PTPN1: variants seen among roughly 807,000 people sequenced by gnomAD.
The protein encoded by PTPN1 is tyrosine-protein phosphatase non-receptor type 1.
In PTPN1, 12 loss-of-function variants were observed where a neutral mutation model predicts 59.9. The observed-to-expected ratio is 0.20, with a 90% CI of 0.13 to 0.32. The LOEUF (loss-of-function observed/expected upper bound fraction) is 0.32. Among genes scored for constraint, PTPN1 ranks in the 10% least tolerant of loss-of-function variants. The pLI, the probability that PTPN1 is intolerant of heterozygous loss-of-function variation, is 1.00. For synonymous variants in PTPN1, 178 were observed against 203.6 expected (o/e 0.87, Z 1.07); for missense variants, 356 against 549.2 (o/e 0.65, Z 3.52).
intron 8 of PTPN1, 107 bp downstream of exon 8, chr20:50,580,033 C>T: frequency 1.9e-6 from 2 of 1,041,912 alleles, no homozygotes; most frequent in Non-Finnish European, 2.8e-6. Flanking sequence ...TGTTGGCAAG[C>T]AGCGCTTCCG....
At chr20:50,545,995 G>A (rs2082673999) in intron 1 of PTPN1, among the ~76,000 whole-genome samples, 1 of 152,028 alleles carries the variant, frequency 6.6e-6, no homozygotes, top group African/African-American at 2.4e-5. Context: ...CCCTTATTGT[G>A]CCACTGCACT....
At chr20:50,552,180 T>C (rs1331007983) in intron 1 of PTPN1, among the ~76,000 whole-genome samples, 2 of 152,236 alleles carry the variant, frequency 1.3e-5, no homozygotes, top group Non-Finnish European at 2.9e-5. Flanking sequence ...AAACCATTAA[T>C]GTTATAGTTA....
intron 1 of PTPN1, among the ~76,000 whole-genome samples, chr20:50,527,316 T>C (rs2082581010): frequency 6.6e-6 from 1 of 152,122 alleles, no homozygotes; most frequent in African/African-American, 2.4e-5. Context: ...TCCAGGGAAG[T>C]GAGGCTCTAT....
rs922314694 is a variant in PTPN1 at position 50,581,426 on chromosome 20, C to T, written c.1250C>T (p.Thr417Met). The T allele has an allele frequency of 6.2e-6, 10 of 1,612,970 alleles. No individual in the cohort carries two copies. The highest frequency in any genetic ancestry group is 2.2e-5 in the East Asian group (1 of 44,858). ...TTCCTGGTCAACATGTGCGTGGCTA[C>T]GGTCCTCACGGCCGGCGCTTACCTC... ...KPFLVNMCVA[T>M]VLTAGAYLCY... The change falls in exon 9 of 10, where the codon ACG becomes ATG. Residue 417 changes from threonine to methionine, a missense_variant. Physicochemically the swap from Thr to Met is moderately conservative, Grantham distance 81. Around this residue, in one of 3 missense-constraint regions of PTPN1, gnomAD observed 62 missense variants for 97.2 expected, o/e 0.64. Transcript: ENST00000371621.
intron 1 of PTPN1, among the ~76,000 whole-genome samples, chr20:50,546,062 A>T (rs926370760): frequency 1.3e-5 from 2 of 152,072 alleles, no homozygotes; most frequent in East Asian, 1.9e-4. Context: ...AAGAAGAATT[A>T]AAAAAAGTGA....
At chr20:50,551,403 C>T (rs1336577738) in intron 1 of PTPN1, among the ~76,000 whole-genome samples, 1 of 152,176 alleles carries the variant, frequency 6.6e-6, no homozygotes. Context: ...TTGCTTTTTT[C>T]TCTCATGACA....
rs142030802 is a variant in PTPN1 at position 50,555,757 on chromosome 20, GCA to G, written c.64-5594_64-5593del. The stretch of plus-strand genomic sequence containing the variant: ...TTTTATTTCTCTGTCTCTCAGGCAT[GCA>G]CACACACACACCAAAAAAAGTACAT... On this transcript the variant is annotated intron_variant, in intron 1 of 9. Transcript: ENST00000371621. Among the ~76,000 whole-genome samples the G allele has an allele frequency of 9.3e-3, 1,393 of 149,242 alleles. 25 individuals are homozygous for G. Among genetic ancestry groups the G allele is most frequent in the African/African-American group, 0.032 (1,292 of 40,584 alleles).
At chr20:50,531,749 A>G (rs958016901) in intron 1 of PTPN1, among the ~76,000 whole-genome samples, 6 of 152,150 alleles carry the variant, frequency 3.9e-5, no homozygotes, top group Non-Finnish European at 7.4e-5. Flanking sequence ...GCTGGGCTCC[A>G]CTGTGCTTGC....
intron 6 of PTPN1, 82 bp downstream of exon 6, chr20:50,578,711 G>A (rs968701): frequency 0.51 from 594,266 of 1,156,644 alleles, 156,281 homozygotes; most frequent in East Asian, 0.64. Context: ...AAACTGAAGC[G>A]CTCCTCTTCC....
intron 1 of PTPN1, among the ~76,000 whole-genome samples, chr20:50,511,980 T>C (rs1372668863): frequency 6.6e-6 from 1 of 152,232 alleles, no homozygotes; most frequent in Non-Finnish European, 1.5e-5. Flanking sequence ...CCTTTTTTTT[T>C]GGCAGCCTTG....
chr20:50,571,224 C>A (rs1294381941), intron 4 of PTPN1: 1 of 152,288 alleles, frequency 6.6e-6, no homozygotes, highest in African/African-American at 2.4e-5. Flanking sequence ...CAACCTTTCC[C>A]TTTGGGTTAC....
At chr20:50,552,150 T>A (rs947543997) in intron 1 of PTPN1, among the ~76,000 whole-genome samples, 26 of 152,216 alleles carry the variant, frequency 1.7e-4, no homozygotes, top group Non-Finnish European at 1.0e-4. Flanking sequence ...TACGGTACGG[T>A]AGTCTACTTA....
At chr20:50,558,704 C>G (rs1232458504) in intron 1 of PTPN1, among the ~76,000 whole-genome samples, 1 of 152,060 alleles carries the variant, frequency 6.6e-6, no homozygotes, top group East Asian at 1.9e-4. Flanking sequence ...TCTCATTTTC[C>G]TCTAGTAGTT....
chr20:50,582,147 GTCCTTTCTCCATTGC>G lies in PTPN1; in HGVS notation c.1285-541_1285-527del, dbSNP rs1485462250. On this transcript the variant is annotated intron_variant, in intron 9 of 9. Coordinates refer to ENST00000371621, the MANE Select transcript of PTPN1 (RefSeq NM_002827.4). This position sits in a 1 kb window ranked among gnomAD's most constrained non-coding sequence, Gnocchi z 4.2. Reference sequence around the variant, plus strand: ...AGGGTGTCCCCGCTGGGTTTCCATTGTCCTTTCTCCATTGCTCCCTCCTGTGACAGCCATCTTGCT... The same window carrying G: ...AGGGTGTCCCCGCTGGGTTTCCATTGTCCCTCCTGTGACAGCCATCTTGCT... Among the ~76,000 whole-genome samples, 1 of 152,204 alleles carries G rather than the reference GTCCTTTCTCCATTGC, an allele frequency of 6.6e-6. No homozygotes were observed. The highest frequency in any genetic ancestry group is 2.4e-5 in the African/African-American group (1 of 41,452).
intron 1 of PTPN1, among the ~76,000 whole-genome samples, chr20:50,547,403 A>G (rs966309471): frequency 2.0e-5 from 3 of 151,724 alleles, no homozygotes; most frequent in Non-Finnish European, 2.9e-5. Flanking sequence ...TCGCTCTGTC[A>G]CCCAGGCTAG....
intron 1 of PTPN1, among the ~76,000 whole-genome samples, chr20:50,526,498 T>G (rs3787335): frequency 0.12 from 18,673 of 152,094 alleles, 1,240 homozygotes; most frequent in South Asian, 0.2. Flanking sequence ...TCAGTGCATT[T>G]GGGCAGCCCA....
Position 50,577,248 on chromosome 20 carries a change from C to T in PTPN1, c.493-1172C>T, listed in dbSNP as rs371808716. Among the ~76,000 whole-genome samples, 38 of 152,302 alleles carry T rather than the reference C, an allele frequency of 2.5e-4. No individual in the cohort carries two copies. The South Asian group carries it at 5.0e-3, about 20-fold the overall frequency. On this transcript the variant is annotated intron_variant, in intron 5 of 9. Coordinates refer to ENST00000371621, the MANE Select transcript of PTPN1 (RefSeq NM_002827.4). ...GAGGGTGAGGTGGTGTCTTTGCCCC[C>T]GCCTCCCTGGCACAGTGACTGGCAC...
intron 1 of PTPN1, among the ~76,000 whole-genome samples, chr20:50,520,894 GC>G (rs1207148053): frequency 6.6e-6 from 1 of 152,170 alleles, no homozygotes; most frequent in South Asian, 2.1e-4. Context: ...AGACTAGACA[GC>G]CATATAGCAT....
rs1366306101 is a variant in PTPN1, at chr20:50,568,264, C to T, written c.256-116C>T. 1.2e-6 allele frequency: 1 copy of T among 844,376 alleles called. No individual in the cohort carries two copies. The highest frequency in any genetic ancestry group is 3.1e-4 in the Middle Eastern group (1 of 3,270). The allele number at this position is 844,376 out of a possible 1,614,324, so 52.3% of individuals were successfully genotyped here. A position where few individuals can be genotyped will look rare whatever the true frequency, so the allele number is the denominator to read the frequency against. On this transcript the variant is annotated intron_variant, in intron 3 of 9. Coordinates refer to ENST00000371621, the MANE Select transcript of PTPN1 (RefSeq NM_002827.4). The surrounding 1 kb of genome is among the most constrained non-coding windows in gnomAD (Gnocchi z 5.6). ...GTCCCTGTCCCAGCCTCAGCCACCA[C>T]TCTGCCTAAGCTGTGGGGACTGAGG...
Sources: allele counts gnomAD v4.1 joint callset (sites outside exome capture counted in the v4.1 genomes callset), GRCh38; gene constraint gnomAD v4.1.1; regional missense constraint gnomAD v4.1.1; non-coding constraint Gnocchi (gnomAD v3.1); transcripts MANE v1.5; gene names NCBI Gene and HGNC (gene_info 2026-07-23, HGNC 2026-07-21).